Variants in BZW2 observed in about 807,000 individuals in gnomAD.
BZW2 encodes basic leucine zipper and W2 domains 2, also known as eIF5-mimic protein 1.
Under a neutral mutation model 53.2 loss-of-function variants are expected in BZW2, and 23 were observed. The ratio of observed to expected loss-of-function variants is 0.43; its 90% CI spans 0.31 to 0.61. BZW2 has a LOEUF of 0.61. Ranked by LOEUF, BZW2 falls within the 20% of genes least tolerant of loss-of-function variation. BZW2 has a pLI of 0.09. For missense variants in BZW2, 409 were observed against 503.1 expected (o/e 0.81, Z 1.79); for synonymous variants, 227 against 186.4 (o/e 1.22, Z -1.77).
At chr7:16,703,896 T>A in intron 10 of BZW2, among the ~76,000 whole-genome samples, 1 of 152,196 alleles carries the variant, frequency 6.6e-6, no homozygotes, top group East Asian at 1.9e-4. Flanking sequence ...GTCTATTTTG[T>A]CTTAATGTAG....
intron 1 of BZW2, among the ~76,000 whole-genome samples, chr7:16,655,077 G>T (rs1242888404): frequency 6.6e-6 from 1 of 152,152 alleles, no homozygotes; most frequent in East Asian, 1.9e-4. Flanking sequence ...GGACACACCA[G>T]ATAGCTTCAA....
chr7:16,692,125 A>G (rs1783328227), intron 7 of BZW2, among the ~76,000 whole-genome samples: 1 of 152,214 alleles, frequency 6.6e-6, no homozygotes. Context: ...GTGAACTACT[A>G]CATTTTAGGA....
intron 8 of BZW2, 90 bp downstream of exon 8, chr7:16,695,094 G>A (rs1324235111): frequency 2.8e-5 from 35 of 1,230,284 alleles, no homozygotes; most frequent in Non-Finnish European, 3.7e-5. Context: ...TAACAAGTCT[G>A]TCCTATGCTT....
chr7:16,705,795 A>C (rs987106511), intron 11 of BZW2, among the ~76,000 whole-genome samples: 3 of 149,968 alleles, frequency 2.0e-5, no homozygotes, highest in East Asian at 1.9e-4. Context: ...TATATGTATA[A>C]ATTTAATATA....
intron 1 of BZW2, among the ~76,000 whole-genome samples, chr7:16,652,374 T>C (rs772816304): frequency 2.6e-5 from 4 of 152,202 alleles, no homozygotes; most frequent in Non-Finnish European, 5.9e-5. Context: ...TCTGCCCGAT[T>C]GTGCAATACT....
chr7:16,676,830 C>A (rs1372399429), intron 3 of BZW2, among the ~76,000 whole-genome samples: 1 of 152,114 alleles, frequency 6.6e-6, no homozygotes. Flanking sequence ...GACCTCTAGG[C>A]AGCACTGTTG....
chr7:16,656,759 A>T (rs1188434621), intron 1 of BZW2, among the ~76,000 whole-genome samples: 1 of 152,136 alleles, frequency 6.6e-6, no homozygotes, highest in East Asian at 1.9e-4. Context: ...TGTACTGAAA[A>T]ATTTGTTTTC....
chr7:16,678,909 G>A (rs1782852553), intron 3 of BZW2, among the ~76,000 whole-genome samples: 2 of 152,108 alleles, frequency 1.3e-5, no homozygotes, highest in South Asian at 2.1e-4. Flanking sequence ...CGAATAGAGT[G>A]TGGGTCACAG....
At chr7:16,654,191 C>G (rs1240874119) in intron 1 of BZW2, among the ~76,000 whole-genome samples, 2 of 151,236 alleles carry the variant, frequency 1.3e-5, no homozygotes, top group African/African-American at 4.9e-5. Flanking sequence ...GATTGTGCCA[C>G]TACACTCCAG....
chr7:16,657,690 T>C (rs1341418351), intron 1 of BZW2, among the ~76,000 whole-genome samples: 1 of 152,182 alleles, frequency 6.6e-6, no homozygotes, highest in African/African-American at 2.4e-5. Context: ...ACTTTTTTTT[T>C]TCTAAAATTT....
chr7:16,656,447 G>A (rs1782123521), intron 1 of BZW2, among the ~76,000 whole-genome samples: 1 of 152,024 alleles, frequency 6.6e-6, no homozygotes, highest in Admixed American at 6.6e-5. Context: ...TTAAGGTATG[G>A]TCTTGTTTTT....
chr7:16,679,448 T>C (rs10238254), intron 3 of BZW2, among the ~76,000 whole-genome samples: 27,793 of 152,212 alleles, frequency 0.18, 2,822 homozygotes, highest in East Asian at 0.38. Context: ...CATAAATTAA[T>C]TGAGTGAAAA....
intron 10 of BZW2, among the ~76,000 whole-genome samples, chr7:16,699,353 C>G (rs1364042523): frequency 6.6e-6 from 1 of 152,128 alleles, no homozygotes; most frequent in Non-Finnish European, 1.5e-5. Flanking sequence ...CCATCAGAAC[C>G]AAACCTGCAA....
At chr7:16,694,002 G>C (rs374012678) in intron 7 of BZW2, among the ~76,000 whole-genome samples, 65 of 152,252 alleles carry the variant, frequency 4.3e-4, no homozygotes, top group African/African-American at 1.5e-3. Context: ...CAATACAAAA[G>C]CTTGGATATA....
chr7:16,649,369 T>C (rs1489957137), intron 1 of BZW2, among the ~76,000 whole-genome samples: 1 of 152,220 alleles, frequency 6.6e-6, no homozygotes, highest in Admixed American at 6.5e-5. Flanking sequence ...TTCCTGGCAA[T>C]GTGAGGTGAG....
chr7:16,649,203 C>T (rs1382983407), intron 1 of BZW2, among the ~76,000 whole-genome samples: 13 of 152,168 alleles, frequency 8.5e-5, no homozygotes, highest in Admixed American at 8.5e-4. Context: ...GGTCCCTTCT[C>T]ATTCTACAGT....
intron 10 of BZW2, chr7:16,698,414 A>C (rs7802611): frequency 2.2e-6 from 1 of 444,554 alleles, no homozygotes; most frequent in Non-Finnish European, 4.0e-6. Flanking sequence ...GGCACTTCTC[A>C]TTGGTAGATG....
intron 10 of BZW2, among the ~76,000 whole-genome samples, chr7:16,703,974 G>A (rs1049836552): frequency 6.6e-6 from 1 of 152,102 alleles, no homozygotes; most frequent in Admixed American, 6.6e-5. Flanking sequence ...TTTAGTGATG[G>A]AGAAAGTGTA....
chr7:16,657,722 C>T (rs1043506533), intron 1 of BZW2, among the ~76,000 whole-genome samples: 13 of 151,728 alleles, frequency 8.6e-5, no homozygotes, highest in African/African-American at 1.2e-4. Context: ...TTGGCAAATA[C>T]GAGTAAGTAG....
Sources: gnomAD v4.1 joint callset for allele counts (sites outside exome capture counted in the v4.1 genomes callset) on GRCh38, gnomAD v4.1.1 for gene constraint, MANE v1.5 for transcripts, NCBI Gene and HGNC (gene_info 2026-07-23, HGNC 2026-07-21) for gene names.